CEP128: variants seen among roughly 807,000 people sequenced by gnomAD.
The protein encoded by CEP128 is centrosomal protein 128, also known as centrosomal protein 128kDa.
CEP128 carries 132 observed loss-of-function variants against 156.7 expected under a neutral mutation model. That is an observed-to-expected ratio of 0.84 (90% CI 0.73 to 0.97). The LOEUF (loss-of-function observed/expected upper bound fraction) is 0.97, where lower values mean the gene tolerates loss of function less well. Ranked by LOEUF, CEP128 falls within the 50% of genes least tolerant of loss-of-function variation. CEP128 has a pLI of 0.00. For synonymous variants in CEP128, 469 were observed against 448.9 expected, an observed-to-expected ratio of 1.04 and a Z score of -0.57; for missense variants, 1,252 against 1,281.9, an observed-to-expected ratio of 0.98 and a Z score of 0.36.
At chr14:80,857,244 T>TG (rs1566674281) in intron 9 of CEP128, among the ~76,000 whole-genome samples, 1 of 151,022 alleles carries the variant, frequency 6.6e-6, no homozygotes, top group Non-Finnish European at 1.5e-5. Flanking sequence ...GTTTTTTTTT[T>TG]GTTGTGTGTT....
intron 13 of CEP128, among the ~76,000 whole-genome samples, chr14:80,824,360 A>C (rs985378065): frequency 3.9e-5 from 6 of 152,250 alleles, no homozygotes; most frequent in African/African-American, 1.4e-4. Flanking sequence ...AAATTTCTGC[A>C]GCCAGCTTGA....
At chr14:80,572,514 T>C (rs1447419233) in intron 20 of CEP128, among the ~76,000 whole-genome samples, 1 of 152,156 alleles carries the variant, frequency 6.6e-6, no homozygotes, top group East Asian at 1.9e-4. Context: ...TGTCTAGGGA[T>C]GTGCTGTGAG....
intron 19 of CEP128, among the ~76,000 whole-genome samples, chr14:80,586,297 T>A (rs1192480617): frequency 1.3e-5 from 2 of 152,228 alleles, no homozygotes; most frequent in East Asian, 3.9e-4. Context: ...TGTGGTGGCA[T>A]GGTGAAGCTG....
At chr14:80,943,723 C>T (rs371631992), upstream of CEP128, among the ~76,000 whole-genome samples, 2 of 152,134 alleles carry the variant, frequency 1.3e-5, no homozygotes, top group East Asian at 3.9e-4. Context: ...GCCAGGGGTG[C>T]TGACTCAAGC....
intron 19 of CEP128, among the ~76,000 whole-genome samples, chr14:80,662,946 A>G (rs906846872): frequency 6.6e-6 from 1 of 152,224 alleles, no homozygotes; most frequent in Non-Finnish European, 1.5e-5. Context: ...CATTTTATTT[A>G]ACAAATAGTC....
intron 13 of CEP128, among the ~76,000 whole-genome samples, chr14:80,806,655 G>A (rs1884192038): frequency 6.6e-6 from 1 of 152,168 alleles, no homozygotes; most frequent in Non-Finnish European, 1.5e-5. Context: ...ATTTGAGACT[G>A]CTTTTGATTG....
chr14:80,602,501 GT>G (rs2140537106), intron 19 of CEP128, among the ~76,000 whole-genome samples: 1 of 152,342 alleles, frequency 6.6e-6, no homozygotes, highest in South Asian at 2.1e-4. Flanking sequence ...GCTGGGCGTG[GT>G]GGCTTATGCT....
intron 19 of CEP128, among the ~76,000 whole-genome samples, chr14:80,625,185 T>A (rs1024920969): frequency 6.6e-6 from 1 of 151,718 alleles, no homozygotes; most frequent in Non-Finnish European, 1.5e-5. Context: ...GAGGCACTTT[T>A]GTTAACACTT....
chr14:80,766,826 A>G (rs1314894945), intron 16 of CEP128, among the ~76,000 whole-genome samples: 1 of 152,138 alleles, frequency 6.6e-6, no homozygotes, highest in Non-Finnish European at 1.5e-5. Flanking sequence ...AGGGGGAGAT[A>G]GGATAAAAGG....
At chr14:80,917,771 G>A (rs1444702132) in intron 2 of CEP128, among the ~76,000 whole-genome samples, 3 of 152,212 alleles carry the variant, frequency 2.0e-5, no homozygotes, top group Admixed American at 2.0e-4. Context: ...TAAAGAGAAT[G>A]TGCTAAATGT....
rs188544910 is a variant in CEP128, at chr14:80,591,819, G to T, written c.2807-11396C>A. On this transcript the variant is annotated intron_variant, in intron 19 of 24. Coordinates refer to ENST00000555265, the MANE Select transcript of CEP128 (RefSeq NM_152446.5). ...ATAACAAACAGTGTCTCAAACCACA[G>T]TGCAATCAAATTAGAACTCAGGATT... 7.2e-5 allele frequency among the ~76,000 whole-genome samples: 11 copies of T among 152,310 alleles called. No individual in the cohort carries two copies. The East Asian group carries it at 7.7e-4, about 11-fold the overall frequency.
At chr14:80,668,913 C>T (rs1180479934) in intron 19 of CEP128, among the ~76,000 whole-genome samples, 1 of 152,228 alleles carries the variant, frequency 6.6e-6, no homozygotes, top group Non-Finnish European at 1.5e-5. Flanking sequence ...TGCACAAGCT[C>T]TCTTGCCTGC....
intron 11 of CEP128, among the ~76,000 whole-genome samples, chr14:80,837,282 T>C (rs1886126291): frequency 6.6e-6 from 1 of 152,206 alleles, no homozygotes; most frequent in Non-Finnish European, 1.5e-5. Context: ...GCAGTTTGTA[T>C]TAAACACAGA....
At chr14:80,626,231 G>A (rs1017451669) in intron 19 of CEP128, among the ~76,000 whole-genome samples, 7 of 151,806 alleles carry the variant, frequency 4.6e-5, no homozygotes, top group African/African-American at 7.3e-5. Flanking sequence ...TTGGGAGGCC[G>A]AGGCGGGTGG....
rs1375497940 is a variant in CEP128, at chr14:80,840,667, C to T, written c.849+15G>A. 3.9e-6 allele frequency: 6 copies of T among 1,544,412 alleles called. No individual in the cohort carries two copies. Among genetic ancestry groups the T allele is most frequent in the Non-Finnish European group, 5.4e-6 (6 of 1,118,950 alleles). ...AACCACTTTATTCTTTGAAAGATAA[C>T]TTTTAAAATCTTACTTGATTCTTCT... On this transcript the variant is annotated intron_variant, in intron 10 of 24. Coordinates refer to ENST00000555265, the MANE Select transcript of CEP128 (RefSeq NM_152446.5).
Position 80,736,692 on chromosome 14 carries a change from T to TATAA in CEP128, c.2806+6379_2806+6382dup, listed in dbSNP as rs535887049. On this transcript the variant is annotated intron_variant, in intron 19 of 24. Transcript: ENST00000555265. ...AATTAAGTTCATCCAATAGAAGTGT[T>TATAA]ATAAATTTTAGGCCCGTTACACAGA... Among the ~76,000 whole-genome samples the TATAA allele has an allele frequency of 3.9e-3, 597 of 152,318 alleles. 7 individuals carry two copies. Among genetic ancestry groups the TATAA allele is most frequent in the African/African-American group, 0.014 (575 of 41,562 alleles).
intron 21 of CEP128, among the ~76,000 whole-genome samples, chr14:80,543,660 C>T (rs566024490): frequency 6.6e-6 from 1 of 152,256 alleles, no homozygotes; most frequent in African/African-American, 2.4e-5. Flanking sequence ...CTAAGATTTG[C>T]CACAACCAAT....
At chr14:80,627,735 ATTTTC>A (rs935492736) in intron 19 of CEP128, among the ~76,000 whole-genome samples, 2 of 108,840 alleles carry the variant, frequency 1.8e-5, no homozygotes, top group African/African-American at 6.0e-5. Flanking sequence ...ATTAATTATT[ATTTTC>A]TTTTTTTTTT....
intron 19 of CEP128, among the ~76,000 whole-genome samples, chr14:80,722,817 T>G (rs1199816764): frequency 7.3e-6 from 1 of 137,640 alleles, no homozygotes; most frequent in South Asian, 2.3e-4. Context: ...AGGTTACTCT[T>G]TATCTTTTTT....
Sources: gnomAD v4.1 joint callset for allele counts (sites outside exome capture counted in the v4.1 genomes callset) on GRCh38, gnomAD v4.1.1 for gene constraint, MANE v1.5 for transcripts, NCBI Gene and HGNC (gene_info 2026-07-23, HGNC 2026-07-21) for gene names.